The following STX8 variants were observed in gnomAD, a reference collection of about 807,000 sequenced individuals.
The protein encoded by STX8 is syntaxin 8.
In STX8, 23 loss-of-function variants were observed where a neutral mutation model predicts 37.5. The observed-to-expected ratio is 0.61, with a 90% confidence interval of 0.44 to 0.87. The LOEUF (loss-of-function observed/expected upper bound fraction) is 0.87. Among genes scored for constraint, STX8 ranks in the 40% least tolerant of loss-of-function variants. The pLI is 0.00. For missense variants in STX8, 313 were observed against 284.7 expected, an observed-to-expected ratio of 1.10 and a Z score of -0.71; for synonymous variants, 115 against 99.1, an observed-to-expected ratio of 1.16 and a Z score of -0.95.
intron 6 of STX8, among the ~76,000 whole-genome samples, chr17:9,417,660 G>A (rs1913247998): frequency 6.6e-6 from 1 of 152,166 alleles, no homozygotes; most frequent in Admixed American, 6.5e-5. Context: ...GTCTCCAGAA[G>A]GAACCAACCA....
intron 4 of STX8, among the ~76,000 whole-genome samples, chr17:9,542,694 A>G (rs1019977275): frequency 2.6e-5 from 4 of 151,988 alleles, no homozygotes; most frequent in Non-Finnish European, 5.9e-5. Context: ...AAATAAATAA[A>G]TAAATAAATA....
intron 3 of STX8, among the ~76,000 whole-genome samples, chr17:9,550,514 C>A (rs1326495005): frequency 6.6e-6 from 1 of 151,996 alleles, no homozygotes; most frequent in African/African-American, 2.4e-5. Context: ...GTGGAGCTTG[C>A]AGTGAGCCAA....
chr17:9,397,988 C>CAAAA (rs558392635), intron 6 of STX8, among the ~76,000 whole-genome samples: 1 of 87,056 alleles, frequency 1.1e-5, no homozygotes, highest in Non-Finnish European at 2.2e-5. Context: ...ATTCTGTCTC[C>CAAAA]AAAAAAAAAA....
intron 6 of STX8, among the ~76,000 whole-genome samples, chr17:9,414,139 C>T (rs1913094904): frequency 1.4e-5 from 2 of 146,452 alleles, no homozygotes; most frequent in African/African-American, 5.3e-5. Flanking sequence ...ACCATCCATC[C>T]ATCCATCCAT....
chr17:9,493,486 G>T (rs1267761641), intron 5 of STX8, among the ~76,000 whole-genome samples: 1 of 152,246 alleles, frequency 6.6e-6, no homozygotes, highest in East Asian at 1.9e-4. Context: ...CCTCGGGCAG[G>T]TTTATAACAA....
chr17:9,359,501 A>ATTTTTTTTTTTTTTTTTT (rs1567796890), intron 7 of STX8, among the ~76,000 whole-genome samples: 2 of 111,644 alleles, frequency 1.8e-5, no homozygotes. Context: ...ATGCTGAGAC[A>ATTTTTTTTTTTTTTTTTT]TATTTTTTTT....
intron 7 of STX8, among the ~76,000 whole-genome samples, chr17:9,376,694 C>T (rs928188325): frequency 2.6e-5 from 4 of 152,348 alleles, no homozygotes; most frequent in African/African-American, 4.8e-5. Context: ...CAGCTTCACT[C>T]CTGAAGTCAG....
At chr17:9,384,144 T>C (rs1388428064) in intron 6 of STX8, among the ~76,000 whole-genome samples, 2 of 151,706 alleles carry the variant, frequency 1.3e-5, no homozygotes, top group Non-Finnish European at 2.9e-5. Flanking sequence ...TTTTTTCATA[T>C]ATTGGTTGCT....
chr17:9,437,928 C>G (rs1422547388), intron 6 of STX8: 1 of 152,130 alleles, frequency 6.6e-6, no homozygotes, highest in Non-Finnish European at 1.5e-5. Context: ...GGTACTTATT[C>G]TGGCCTTTGA....
intron 7 of STX8, among the ~76,000 whole-genome samples, chr17:9,261,914 T>C (rs1267619042): frequency 1.3e-5 from 2 of 152,354 alleles, no homozygotes; most frequent in African/African-American, 2.4e-5. Flanking sequence ...ACGGATATCT[T>C]GTTTTGACAA....
intron 7 of STX8, among the ~76,000 whole-genome samples, chr17:9,318,946 G>T (rs756225186): frequency 2.2e-4 from 34 of 152,114 alleles, no homozygotes; most frequent in African/African-American, 8.0e-4. Flanking sequence ...GAGCCAGTGC[G>T]GATTGGAGCA....
intron 7 of STX8, among the ~76,000 whole-genome samples, chr17:9,251,853 T>C (rs1266317229): frequency 6.6e-6 from 1 of 152,200 alleles, no homozygotes; most frequent in African/African-American, 2.4e-5. Context: ...GTTTTGAATA[T>C]TGAAGAGACT....
chr17:9,558,678 C>T (rs1446983158), intron 2 of STX8, among the ~76,000 whole-genome samples: 1 of 152,202 alleles, frequency 6.6e-6, no homozygotes, highest in Non-Finnish European at 1.5e-5. Flanking sequence ...AAAAAATTAG[C>T]TGGGCGCGGT....
At chr17:9,389,903 C>A (rs1169223675) in intron 6 of STX8, among the ~76,000 whole-genome samples, 1 of 152,016 alleles carries the variant, frequency 6.6e-6, no homozygotes, top group Non-Finnish European at 1.5e-5. Flanking sequence ...TCTGATAATA[C>A]CGTACACTAG....
intron 6 of STX8, among the ~76,000 whole-genome samples, chr17:9,471,864 T>A (rs1905879338): frequency 6.6e-6 from 1 of 152,184 alleles, no homozygotes; most frequent in African/African-American, 2.4e-5. Flanking sequence ...TTGCTTTGTA[T>A]CCTTTTGCTA....
intron 6 of STX8, among the ~76,000 whole-genome samples, chr17:9,427,678 T>C (rs1474180984): frequency 6.6e-6 from 1 of 152,104 alleles, no homozygotes; most frequent in Admixed American, 6.6e-5. Context: ...GTGGCAACTG[T>C]TGGCTCACAG....
chr17:9,269,795 G>A (rs1597575128), intron 7 of STX8, among the ~76,000 whole-genome samples: 1 of 152,268 alleles, frequency 6.6e-6, no homozygotes, highest in Middle Eastern at 3.4e-3. Context: ...TCTGTGCCTT[G>A]GCAGGGATCG....
intron 6 of STX8, among the ~76,000 whole-genome samples, chr17:9,399,877 AAAAAGAAAG>A (rs1249231197): frequency 6.6e-6 from 1 of 151,400 alleles, no homozygotes; most frequent in Non-Finnish European, 1.5e-5. Context: ...AAAAAAAAAA[AAAAAGAAAG>A]AAAGAAAGAA....
At chr17:9,405,581 A>G (rs919927268) in intron 6 of STX8, among the ~76,000 whole-genome samples, 2 of 152,180 alleles carry the variant, frequency 1.3e-5, no homozygotes, top group African/African-American at 2.4e-5. Context: ...GCCCAAATGC[A>G]TTTGCACAAA....
Sources: allele counts gnomAD v4.1 joint callset (sites outside exome capture counted in the v4.1 genomes callset), GRCh38; gene constraint gnomAD v4.1.1; transcripts MANE v1.5; gene names NCBI Gene and HGNC (gene_info 2026-07-23, HGNC 2026-07-21).